SRFBP1: variants seen among roughly 807,000 people sequenced by gnomAD.
SRFBP1 encodes serum response factor-binding protein 1.
In SRFBP1, 47 loss-of-function variants were observed where a neutral mutation model predicts 45.5. The ratio of observed to expected loss-of-function variants is 1.03; its 90% confidence interval spans 0.82 to 1.32. SRFBP1 has a LOEUF of 1.32. Ranked by LOEUF, SRFBP1 falls within the 40% of genes most tolerant of loss-of-function variation. SRFBP1 has a pLI of 0.00. For synonymous variants in SRFBP1, 203 were observed against 166.3 expected (o/e 1.22, Z -1.70); for missense variants, 621 against 484.6 (o/e 1.28, Z -2.64).
At position 121,974,201 on chromosome 5, in the gene SRFBP1, G is replaced by T; in HGVS notation, c.42G>T (p.Val14=). The stretch of plus-strand genomic sequence containing the variant: ...TATTGCTTTATTCTTCAAAGGTTGT[G>T]AAGATGAGAAAAGAAGTGAAGAGAA... ...PGTLNLNNEV[V]KMRKEVKRIR... Residue 14 remains valine, a synonymous_variant, in exon 2 of 8, where the codon GTG becomes GTT. Coordinates refer to ENST00000339397, the MANE Select transcript of SRFBP1 (RefSeq NM_152546.3). 1 of 1,609,806 alleles carries T rather than the reference G, an allele frequency of 6.2e-7. No individual in the cohort carries two copies. The highest frequency in any genetic ancestry group is 1.1e-5 in the South Asian group (1 of 90,866).
At chr5:122,039,359 G>A (rs1450768159) in intron 2 of SRFBP1, among the ~76,000 whole-genome samples, 1 of 152,104 alleles carries the variant, frequency 6.6e-6, no homozygotes, top group African/African-American at 2.4e-5. Flanking sequence ...CCTCTGTTGA[G>A]GAAGGAGGGT....
chr5:121,976,741 A>G (rs1752309644), intron 3 of SRFBP1, among the ~76,000 whole-genome samples: 1 of 149,398 alleles, frequency 6.7e-6, no homozygotes, highest in African/African-American at 2.4e-5. Context: ...GTATGCATGT[A>G]TATATATATA....
At chr5:122,077,408 G>A, downstream of SRFBP1, 2 of 1,614,124 alleles carry the variant, frequency 1.2e-6, no homozygotes, top group Non-Finnish European at 1.7e-6. This position sits in a 1 kb window ranked among gnomAD's most constrained non-coding sequence, Gnocchi z 4.9. Flanking sequence ...CCCAGGTCTG[G>A]GCCTTTCATA....
intron 2 of SRFBP1, 110 bp from the exon 3 acceptor site, chr5:121,975,205 T>C (rs956545486): frequency 2.7e-6 from 3 of 1,127,188 alleles, no homozygotes; most frequent in Non-Finnish European, 3.9e-6. Context: ...GTGTTTGTTA[T>C]TTAGAGATTT....
chr5:122,001,999 A>G (rs1296999629), intron 4 of SRFBP1, among the ~76,000 whole-genome samples: 1 of 152,250 alleles, frequency 6.6e-6, no homozygotes, highest in Non-Finnish European at 1.5e-5. Flanking sequence ...AGATTTAAAA[A>G]TACTCATTCT....
chr5:122,075,056 T>C (rs1754577674), intron 2 of SRFBP1, among the ~76,000 whole-genome samples: 2 of 152,226 alleles, frequency 1.3e-5, no homozygotes, highest in Admixed American at 6.5e-5. Flanking sequence ...ATAAAAAACG[T>C]GTGGTCTTTA....
At position 122,027,207 on chromosome 5, in the gene SRFBP1, C is replaced by G. The variant is rs961198121; in HGVS notation, c.*81C>G. 5.1e-6 allele frequency: 6 copies of G among 1,167,924 alleles called. No homozygotes were observed. The African/African-American group carries it at 7.8e-5, about 15-fold the overall frequency. 72.3% of individuals were successfully genotyped at this position (1,167,924 alleles called of 1,614,324 possible). On this transcript the variant is annotated 3_prime_UTR_variant, in exon 8 of 8. Coordinates refer to ENST00000339397, the MANE Select transcript of SRFBP1 (RefSeq NM_152546.3). The stretch of plus-strand genomic sequence containing the variant: ...ACAGGATCTCATTCTGTTGCCCAGA[C>G]TAGAGTACAATATTGCAATCACAGC...
At chr5:122,030,301 A>G (rs1753568552), downstream of SRFBP1, among the ~76,000 whole-genome samples, 1 of 152,250 alleles carries the variant, frequency 6.6e-6, no homozygotes, top group South Asian at 2.1e-4. Flanking sequence ...CTTGATAAGA[A>G]CAGGGATCTT....
chr5:121,995,185 C>G (rs934163257), intron 4 of SRFBP1, among the ~76,000 whole-genome samples: 104 of 151,808 alleles, frequency 6.9e-4, no homozygotes, highest in African/African-American at 2.4e-3. Context: ...CTACAGAACT[C>G]TCCACCCCAA....
intron 2 of SRFBP1, among the ~76,000 whole-genome samples, chr5:122,061,748 T>C (rs1754173348): frequency 6.6e-6 from 1 of 151,994 alleles, no homozygotes; most frequent in African/African-American, 2.4e-5. Flanking sequence ...CATATTTTTT[T>C]CTAAAATAGA....
At chr5:122,058,601 A>G (rs373540832) in intron 2 of SRFBP1, among the ~76,000 whole-genome samples, 2 of 151,440 alleles carry the variant, frequency 1.3e-5, no homozygotes, top group Non-Finnish European at 2.9e-5. Context: ...ACGTAGCAAC[A>G]ACTCATTAAA....
At chr5:121,998,755 T>G (rs1312141758) in intron 4 of SRFBP1, among the ~76,000 whole-genome samples, 1 of 152,168 alleles carries the variant, frequency 6.6e-6, no homozygotes, top group Non-Finnish European at 1.5e-5. Context: ...TGAAAGATGT[T>G]TTTTCACCCT....
chr5:121,973,725 G>T (rs1297167581), intron 1 of SRFBP1, among the ~76,000 whole-genome samples: 4 of 151,560 alleles, frequency 2.6e-5, no homozygotes, highest in Non-Finnish European at 5.9e-5. Flanking sequence ...TAAAAATAAT[G>T]AAAGATTTGT....
intron 2 of SRFBP1, among the ~76,000 whole-genome samples, chr5:122,071,210 TGTG>T (rs1754442152): frequency 6.6e-6 from 1 of 151,996 alleles, no homozygotes; most frequent in African/African-American, 2.4e-5. Context: ...TGTGTGTGTG[TGTG>T]TGTGTGTATA....
chr5:122,024,715 C>A (rs1219804665), intron 7 of SRFBP1, among the ~76,000 whole-genome samples: 1 of 152,158 alleles, frequency 6.6e-6, no homozygotes, highest in African/African-American at 2.4e-5. Context: ...CAGTATGCCC[C>A]ATTTATACCA....
At chr5:122,076,869 G>A (rs1754652800), downstream of SRFBP1, 2 of 1,607,998 alleles carry the variant, frequency 1.2e-6, no homozygotes, top group East Asian at 4.5e-5. Context: ...CGGGGAGCGG[G>A]GCCTCAGACA....
At chr5:121,974,556 C>T (rs1309662500) in intron 2 of SRFBP1, among the ~76,000 whole-genome samples, 2 of 151,764 alleles carry the variant, frequency 1.3e-5, no homozygotes, top group South Asian at 2.1e-4. Context: ...ATGAAATTCC[C>T]TTGGGCTTGT....
intron 2 of SRFBP1, among the ~76,000 whole-genome samples, chr5:122,057,492 T>C (rs1049041021): frequency 7.0e-6 from 1 of 142,608 alleles, no homozygotes; most frequent in Non-Finnish European, 1.5e-5. Context: ...TGTGTGTGTG[T>C]GTATGAGTGT....
At position 122,027,240 on chromosome 5, in the gene SRFBP1, A is replaced by G; in HGVS notation, c.*114A>G. On this transcript the variant is annotated 3_prime_UTR_variant, in exon 8 of 8. Transcript: ENST00000339397. ...CAATATTGCAATCACAGCTCACTGC[A>G]GCCTCAAACTCCTGGGCTCAAGTGA... is the stretch of plus-strand genomic sequence containing the variant. 1 of 827,832 alleles carries G rather than the reference A, an allele frequency of 1.2e-6. No homozygotes were observed. The highest frequency in any genetic ancestry group is 1.8e-6 in the Non-Finnish European group (1 of 546,140). 51.3% of individuals were successfully genotyped at this position (827,832 alleles called of 1,614,324 possible).
Sources: gnomAD v4.1 joint callset for allele counts (sites outside exome capture counted in the v4.1 genomes callset) on GRCh38, gnomAD v4.1.1 for gene constraint, Gnocchi (gnomAD v3.1) non-coding constraint, MANE v1.5 for transcripts, NCBI Gene and HGNC (gene_info 2026-07-23, HGNC 2026-07-21) for gene names.